The following CACNG2 variants were observed in gnomAD, a reference collection of about 807,000 sequenced individuals.
CACNG2 encodes the protein voltage-dependent calcium channel gamma-2 subunit.
In CACNG2, 3 loss-of-function variants were observed where a neutral mutation model predicts 25.9. The ratio of observed to expected loss-of-function variants is 0.12; its 90% CI spans 0.05 to 0.30. The LOEUF (loss-of-function observed/expected upper bound fraction) is 0.30. Among genes scored for constraint, CACNG2 ranks in the 10% least tolerant of loss-of-function variants. The pLI is 1.00. For synonymous variants in CACNG2, 167 were observed against 173.3 expected (o/e 0.96, Z 0.29); for missense variants, 341 against 432.5 (o/e 0.79, Z 1.88).
chr22:36,663,878 A>C (rs936472471), intron 1 of CACNG2, among the ~76,000 whole-genome samples: 1 of 152,176 alleles, frequency 6.6e-6, no homozygotes, highest in Non-Finnish European at 1.5e-5. Flanking sequence ...TTTCTAACCA[A>C]GGGCACCGAT....
At chr22:36,585,493 G>C (rs891865800) in intron 2 of CACNG2, 1 of 152,142 alleles carries the variant, frequency 6.6e-6, no homozygotes, top group Non-Finnish European at 1.5e-5. Context: ...TATAGACCAG[G>C]GGTCAGCAAA....
intron 1 of CACNG2, among the ~76,000 whole-genome samples, chr22:36,672,798 A>G (rs1936970193): frequency 6.6e-6 from 1 of 152,230 alleles, no homozygotes; most frequent in South Asian, 2.1e-4. Context: ...GTCACATGCC[A>G]GCTGATTTGT....
chr22:36,570,594 T>G (rs1179602323), intron 2 of CACNG2, among the ~76,000 whole-genome samples: 2 of 151,878 alleles, frequency 1.3e-5, no homozygotes, highest in Admixed American at 1.3e-4. Context: ...ACCCCGTCTC[T>G]ACTGAAAAAA....
At chr22:36,638,818 T>C (rs947133176) in intron 1 of CACNG2, among the ~76,000 whole-genome samples, 6 of 152,226 alleles carry the variant, frequency 3.9e-5, no homozygotes, top group African/African-American at 1.4e-4. Context: ...AATAAGCACT[T>C]TTTATATTGA....
At position 36,579,291 on chromosome 22, in the gene CACNG2, C is replaced by A. The variant is rs964318711; in HGVS notation, c.295+8174G>T. Among the ~76,000 whole-genome samples the A allele has an allele frequency of 2.0e-5, 3 of 150,790 alleles. No homozygotes were observed. In the Admixed American group the frequency reaches 2.0e-4, roughly 10 times the overall value. On this transcript the variant is annotated intron_variant, in intron 2 of 3. Coordinates refer to ENST00000300105, the MANE Select transcript of CACNG2 (RefSeq NM_006078.5). ...TGGTGGCAGACACTTGTAATCCCAG[C>A]TACTTGGGAGGATGAGGCAGGAGAA...
chr22:36,662,501 C>T (rs1238974927), intron 1 of CACNG2, among the ~76,000 whole-genome samples: 2 of 152,178 alleles, frequency 1.3e-5, no homozygotes, highest in African/African-American at 2.4e-5. Flanking sequence ...TCCCCAAACT[C>T]GCCAGGCTAA....
chr22:36,588,182 G>C (rs1437258890), intron 1 of CACNG2, among the ~76,000 whole-genome samples: 2 of 152,198 alleles, frequency 1.3e-5, no homozygotes, highest in Non-Finnish European at 2.9e-5. Flanking sequence ...GCCTGTGAGG[G>C]GGGTATTATC....
rs139754153 is a variant in CACNG2 at position 36,626,677 on chromosome 22, C to G, written c.212-39129G>C. Among the ~76,000 whole-genome samples, 162 of 152,278 alleles carry G rather than the reference C, an allele frequency of 1.1e-3. 1 individual carries two copies. Among genetic ancestry groups the G allele is most frequent in the African/African-American group, 3.8e-3 (157 of 41,556 alleles). On this transcript the variant is annotated intron_variant, in intron 1 of 3. Coordinates refer to ENST00000300105, the MANE Select transcript of CACNG2 (RefSeq NM_006078.5). Reference sequence around the variant, plus strand: ...AAAGAGTCGAGTCATATTTTGGTTTCTGTCTCTTCAATGGTTTGCTTTTGG... The same window carrying G: ...AAAGAGTCGAGTCATATTTTGGTTTGTGTCTCTTCAATGGTTTGCTTTTGG...
chr22:36,565,356 C>T (rs552797438), intron 3 of CACNG2, among the ~76,000 whole-genome samples: 2 of 152,248 alleles, frequency 1.3e-5, no homozygotes, highest in Admixed American at 1.3e-4. Flanking sequence ...TCAAAGCCTT[C>T]GCAAGTTAAC....
intron 1 of CACNG2, among the ~76,000 whole-genome samples, chr22:36,662,451 C>T (rs1327499220): frequency 1.3e-5 from 2 of 152,140 alleles, no homozygotes; most frequent in Non-Finnish European, 2.9e-5. Flanking sequence ...TATCTGCCAC[C>T]CACCCACACA....
chr22:36,663,191 T>A (rs1276474612), intron 1 of CACNG2, among the ~76,000 whole-genome samples: 1 of 152,120 alleles, frequency 6.6e-6, no homozygotes, highest in East Asian at 1.9e-4. Context: ...CCTGGTCCGG[T>A]GCCTGGCATG....
At chr22:36,671,165 C>T (rs1355294131) in intron 1 of CACNG2, among the ~76,000 whole-genome samples, 1 of 152,164 alleles carries the variant, frequency 6.6e-6, no homozygotes, top group Non-Finnish European at 1.5e-5. Flanking sequence ...GATCTGCCTG[C>T]CTCAGCCTCC....
intron 1 of CACNG2, among the ~76,000 whole-genome samples, chr22:36,618,360 G>A (rs908814087): frequency 6.7e-6 from 1 of 149,786 alleles, no homozygotes. Context: ...TCTGCTGCCA[G>A]GTCTCCTTGC....
intron 1 of CACNG2, among the ~76,000 whole-genome samples, chr22:36,599,423 G>T (rs919884971): frequency 1.3e-5 from 2 of 152,152 alleles, no homozygotes; most frequent in Non-Finnish European, 2.9e-5. Context: ...TTTGCAGCTG[G>T]GCGTGGTGGC....
intron 1 of CACNG2, among the ~76,000 whole-genome samples, chr22:36,679,197 C>CCTTCCTTCCTTTCTTTCTTTCTTTCTTT (rs1491420417): frequency 3.5e-4 from 19 of 54,802 alleles, no homozygotes; most frequent in African/African-American, 1.2e-3. Context: ...TTCCTTCCTT[C>CCTTCCTTCCTTTCTTTCTTTCTTTCTTT]CTTTCTTTCT....
At chr22:36,683,861 C>G (rs778354832) in intron 1 of CACNG2, among the ~76,000 whole-genome samples, 1 of 152,158 alleles carries the variant, frequency 6.6e-6, no homozygotes, top group Non-Finnish European at 1.5e-5. Flanking sequence ...CCACCCCCCG[C>G]GACCCCTGGC....
chr22:36,653,052 T>G (rs994858453), intron 1 of CACNG2, among the ~76,000 whole-genome samples: 1 of 152,202 alleles, frequency 6.6e-6, no homozygotes, highest in African/African-American at 2.4e-5. Flanking sequence ...CCAGGTGCAG[T>G]GGCTCATGCC....
At chr22:36,581,550 C>T (rs1935419284) in intron 2 of CACNG2, among the ~76,000 whole-genome samples, 1 of 152,226 alleles carries the variant, frequency 6.6e-6, no homozygotes, top group African/African-American at 2.4e-5. Flanking sequence ...TCTGTCCTCC[C>T]TCTCTGCTCT....
At chr22:36,592,922 G>A (rs906526695) in intron 1 of CACNG2, among the ~76,000 whole-genome samples, 3 of 152,166 alleles carry the variant, frequency 2.0e-5, no homozygotes, top group African/African-American at 7.2e-5. Flanking sequence ...GGCTCTCATC[G>A]GCAGGGCAGT....
Sources: allele counts gnomAD v4.1 joint callset (sites outside exome capture counted in the v4.1 genomes callset), GRCh38; gene constraint gnomAD v4.1.1; transcripts MANE v1.5; gene names NCBI Gene and HGNC (gene_info 2026-07-23, HGNC 2026-07-21).